Variants in UNC93A observed in about 807,000 individuals in gnomAD.
UNC93A encodes the protein N-acetylglucosamine transporter UNC93A.
A neutral mutation model predicts 47.5 loss-of-function variants in UNC93A; 43 were observed. The observed-to-expected ratio is 0.91, with a 90% CI of 0.71 to 1.17. UNC93A has a LOEUF of 1.17. Among genes scored for constraint, UNC93A ranks in the 50% most tolerant of loss-of-function variants. UNC93A has a pLI of 0.00. For missense variants in UNC93A, 605 were observed against 577.6 expected, an observed-to-expected ratio of 1.05 and a Z score of -0.49; for synonymous variants, 280 against 258.0, an observed-to-expected ratio of 1.09 and a Z score of -0.82.
intron 1 of UNC93A, among the ~76,000 whole-genome samples, chr6:167,278,861 T>G (rs1038873424): frequency 6.6e-6 from 1 of 152,180 alleles, no homozygotes; most frequent in Non-Finnish European, 1.5e-5. Context: ...TACAGAATCA[T>G]CTACACGGAT....
chr6:167,270,071 G>A (rs1308619876), upstream of UNC93A, among the ~76,000 whole-genome samples: 1 of 137,166 alleles, frequency 7.3e-6, no homozygotes, highest in East Asian at 2.6e-4. Flanking sequence ...GGTGGGGGGG[G>A]GGCGTTCACA....
rs1778681472 is a variant in UNC93A, at chr6:167,315,980, T to A, written c.*528T>A. The A allele has an allele frequency of 6.7e-6, 1 of 150,194 alleles. No individual in the cohort carries two copies. Among genetic ancestry groups the A allele is most frequent in the East Asian group, 2.1e-4 (1 of 4,848 alleles). The allele number at this position is 150,194 out of a possible 1,614,324, so 9.3% of individuals were successfully genotyped here. A position where few individuals can be genotyped will look rare whatever the true frequency, so the allele number is the denominator to read the frequency against. On this transcript the variant is annotated 3_prime_UTR_variant, in exon 8 of 8. Transcript: ENST00000230256. Reference sequence around the variant, plus strand: ...CTCAGGATTCCTGAAACGTGTGGGGTCTGCGTTTCTAAATAAAGACGGTTA... The same window carrying A: ...CTCAGGATTCCTGAAACGTGTGGGGACTGCGTTTCTAAATAAAGACGGTTA...
chr6:167,294,639 C>T lies in UNC93A; in HGVS notation c.210C>T (p.Thr70=). 1.2e-6 allele frequency: 2 copies of T among 1,613,360 alleles called. No individual in the cohort carries two copies. The highest frequency in any genetic ancestry group is 1.7e-6 in the Non-Finnish European group (2 of 1,179,480). ...TCGAGAGGCTGGGCTGCAAGGGGAC[C>T]ATCATCCTCTCCATGTGTGGCTACG... ...LLIERLGCKG[T]IILSMCGYVA... Residue 70 remains threonine (T), a synonymous_variant, in exon 2 of 8, where the codon ACC becomes ACT. Transcript: ENST00000230256.
intron 1 of UNC93A, among the ~76,000 whole-genome samples, chr6:167,284,265 T>TGCTCCC (rs1783682673): frequency 6.6e-6 from 1 of 151,726 alleles, no homozygotes; most frequent in Non-Finnish European, 1.5e-5. Context: ...TTTTTAAACT[T>TGCTCCC]TATGTGACAT....
At chr6:167,277,441 C>T (rs897669957) in intron 1 of UNC93A, among the ~76,000 whole-genome samples, 1 of 152,180 alleles carries the variant, frequency 6.6e-6, no homozygotes, top group Non-Finnish European at 1.5e-5. Flanking sequence ...GGGCTTCTGT[C>T]CTGGGTCTCC....
upstream of UNC93A, among the ~76,000 whole-genome samples, chr6:167,269,056 C>T (rs1783411350): frequency 6.6e-6 from 1 of 152,158 alleles, no homozygotes; most frequent in African/African-American, 2.4e-5. Context: ...GGGACCAGGA[C>T]GAAGCAGCTG....
Position 167,304,126 on chromosome 6 carries a change from A to G in UNC93A, c.833A>G (p.Tyr278Cys), listed in dbSNP as rs1562356721. The change falls in exon 5 of 8, where the codon TAC (tyrosine) becomes TGC (cysteine). Residue 278 changes from tyrosine (Y) to cysteine (C), a missense_variant. Transcript: ENST00000230256. ...GLQQGFLSSEYTRSYVTCTLG... is the reference protein window; with the variant it reads ...GLQQGFLSSECTRSYVTCTLG... ...CAGCAAGGATTCCTCTCCAGCGAAT[A>G]CACAAGGGTATGAACGAAAGTGAGG... is the stretch of plus-strand genomic sequence containing the variant. The G allele has an allele frequency of 1.2e-6, 2 of 1,614,214 alleles. No homozygotes were observed. The highest frequency in any genetic ancestry group is 2.2e-5 in the East Asian group (1 of 44,890).
In UNC93A at chr6:167,304,031, G is replaced by A; in HGVS notation, c.738G>A (p.Leu246=). 1 of 1,613,974 alleles carries A rather than the reference G, an allele frequency of 6.2e-7. No individual in the cohort carries two copies. Among genetic ancestry groups the A allele is most frequent in the Non-Finnish European group, 8.5e-7 (1 of 1,180,014 alleles). ...CAGTACCTTTCTGGTCCACTTTACTGTCGACTTTCAAGCTATATAGAGATA... is the reference window on the plus strand; with the variant it reads ...CAGTACCTTTCTGGTCCACTTTACTATCGACTTTCAAGCTATATAGAGATA... ...KKSVPFWSTL[L]STFKLYRDKR... The change falls in exon 5 of 8, where the codon CTG becomes CTA. Residue 246 remains leucine (L), a synonymous_variant. Transcript: ENST00000230256.
At chr6:167,288,275 T>C (rs1158732186), upstream of UNC93A, among the ~76,000 whole-genome samples, 1 of 152,194 alleles carries the variant, frequency 6.6e-6, no homozygotes, top group Non-Finnish European at 1.5e-5. Flanking sequence ...TGGGTTCTCC[T>C]TGGCCGAGGA....
chr6:167,309,526 C>A (rs1379724592), intron 7 of UNC93A, among the ~76,000 whole-genome samples: 1 of 152,154 alleles, frequency 6.6e-6, no homozygotes, highest in East Asian at 1.9e-4. Context: ...CACATGAGAC[C>A]CTCTTCCCTT....
chr6:167,295,082 C>T (rs1383987657), intron 2 of UNC93A, among the ~76,000 whole-genome samples: 3 of 152,190 alleles, frequency 2.0e-5, no homozygotes, highest in African/African-American at 7.2e-5. Context: ...GGACCGAAAG[C>T]TGCACCTCGC....
chr6:167,278,967 A>T (rs1223605267), intron 1 of UNC93A, among the ~76,000 whole-genome samples: 2 of 152,232 alleles, frequency 1.3e-5, no homozygotes, highest in Non-Finnish European at 2.9e-5. Context: ...TTTGATTTTT[A>T]ATTAACTTTG....
At chr6:167,275,205 A>T (rs62438476) in intron 1 of UNC93A, among the ~76,000 whole-genome samples, 6,053 of 152,244 alleles carry the variant, frequency 0.04, 184 homozygotes, top group South Asian at 0.11. Context: ...GAAACTCTGC[A>T]GGGTCTTTGG....
intron 1 of UNC93A, among the ~76,000 whole-genome samples, chr6:167,284,802 G>A (rs553109901): frequency 1.2e-3 from 182 of 151,298 alleles, no homozygotes; most frequent in African/African-American, 4.4e-3. Flanking sequence ...GAGGGCGGTC[G>A]CCACAGGTGG....
intron 1 of UNC93A, among the ~76,000 whole-genome samples, chr6:167,284,484 C>G (rs920046433): frequency 3.3e-5 from 5 of 152,272 alleles, no homozygotes; most frequent in African/African-American, 1.2e-4. Flanking sequence ...GGATGGGGGA[C>G]AGAGGAGAGG....
chr6:167,313,522 G>A (rs1350921147), intron 7 of UNC93A, among the ~76,000 whole-genome samples: 2 of 152,060 alleles, frequency 1.3e-5, no homozygotes, highest in Non-Finnish European at 2.9e-5. Flanking sequence ...TGGGGGAGTG[G>A]AGTGAGTCCC....
upstream of UNC93A, among the ~76,000 whole-genome samples, chr6:167,287,498 C>T (rs1783757885): frequency 6.6e-6 from 1 of 152,178 alleles, no homozygotes; most frequent in Non-Finnish European, 1.5e-5. Flanking sequence ...TAGAACTAGG[C>T]TTCTGTGAGA....
At chr6:167,276,390 C>T (rs540224486) in intron 1 of UNC93A, among the ~76,000 whole-genome samples, 17 of 152,204 alleles carry the variant, frequency 1.1e-4, no homozygotes, top group African/African-American at 3.4e-4. Flanking sequence ...TGGCTCATAT[C>T]GTGATTCTAT....
At chr6:167,305,864 C>T in intron 5 of UNC93A, 51 bp from the exon 6 acceptor site, 2 of 1,611,702 alleles carry the variant, frequency 1.2e-6, no homozygotes, top group Non-Finnish European at 1.7e-6. Context: ...TTAGCTTGAG[C>T]ACGGGAGGCC....
Sources: allele counts gnomAD v4.1 joint callset (sites outside exome capture counted in the v4.1 genomes callset), GRCh38; gene constraint gnomAD v4.1.1; transcripts MANE v1.5; gene names NCBI Gene and HGNC (gene_info 2026-07-23, HGNC 2026-07-21).